CBLN4: variants seen among roughly 807,000 people sequenced by gnomAD.
CBLN4 encodes cerebellin-4.
In CBLN4, 7 loss-of-function variants were observed where a neutral mutation model predicts 14.9. The observed-to-expected ratio is 0.47, with a 90% CI of 0.27 to 0.88. The LOEUF is 0.88. CBLN4 is among the 40% of genes least tolerant of loss of function. The pLI is 0.14. For missense variants in CBLN4, 188 were observed against 256.8 expected (o/e 0.73, Z 1.83); for synonymous variants, 131 against 116.5 (o/e 1.12, Z -0.80).
At chr20:56,002,324 G>T (rs1835931882) in intron 1 of CBLN4, among the ~76,000 whole-genome samples, 1 of 152,204 alleles carries the variant, frequency 6.6e-6, no homozygotes, top group South Asian at 2.1e-4. Context: ...AAAATAATTT[G>T]AGGTGCTTAG....
Position 56,000,623 on chromosome 20 carries a change from T to A in CBLN4, c.408+108A>T, listed in dbSNP as rs932202922. 7 of 494,998 alleles carry A rather than the reference T, an allele frequency of 1.4e-5. No individual in the cohort carries two copies. The South Asian group carries it at 3.8e-4, about 27-fold the overall frequency. 30.7% of individuals were successfully genotyped at this position (494,998 alleles called of 1,614,324 possible). ...TAAAATAAATGATAAAGATGGCTGCTTATTTCTATTGTGGAAACACAACTT... is the reference window on the plus strand; with the variant it reads ...TAAAATAAATGATAAAGATGGCTGCATATTTCTATTGTGGAAACACAACTT... On this transcript the variant is annotated intron_variant, in intron 2 of 2. Transcript: ENST00000064571.
chr20:56,004,113 A>T lies in CBLN4; in HGVS notation c.59T>A (p.Leu20Gln). 1 of 1,603,874 alleles carries T rather than the reference A, an allele frequency of 6.2e-7. No homozygotes were observed. Among genetic ancestry groups the T allele is most frequent in the Non-Finnish European group, 8.5e-7 (1 of 1,176,686 alleles). Residue 20 changes from leucine (L) to glutamine (Q), a missense_variant, in exon 1 of 3, where the codon CTG becomes CAG. Leu to Gln is a moderately radical substitution (Grantham distance 113). Coordinates refer to ENST00000064571, the MANE Select transcript of CBLN4 (RefSeq NM_080617.6). This position sits in a 1 kb window ranked among gnomAD's most constrained non-coding sequence, Gnocchi z 6.1. ...CTGTGCCCAGACGGGCAGCCCCGGCAGCGTGAGGACCAGCAGCACGGCCGG... is the reference window on the plus strand; with the variant it reads ...CTGTGCCCAGACGGGCAGCCCCGGCTGCGTGAGGACCAGCAGCACGGCCGG... ...AVPAVLLVLT[L>Q]PGLPVWAQND...
In CBLN4 at chr20:56,003,906, T is replaced by C; in HGVS notation, c.266A>G (p.Lys89Arg). 11 of 1,612,544 alleles carry C rather than the reference T, an allele frequency of 6.8e-6. No individual in the cohort carries two copies. Among genetic ancestry groups the C allele is most frequent in the Non-Finnish European group, 9.3e-6 (11 of 1,179,326 alleles). ...TNHEPSEMSN[K>R]TRIIYFDQIL... is the part of the protein sequence containing the mutation. ...CTGATCGAAGTAAATGATGCGCGTC[T>C]TGTTGCTCATCTCGGATGGCTCGTG... The change falls in exon 1 of 3, where the codon AAG becomes AGG. Residue 89 changes from lysine to arginine, a missense_variant. By Grantham distance (26) the Lys-to-Arg change is conservative. This residue lies in a region of CBLN4 where 93 missense variants were observed against 157.7 expected (regional missense o/e 0.59). Coordinates refer to ENST00000064571, the MANE Select transcript of CBLN4 (RefSeq NM_080617.6).
At chr20:56,000,616 T>C in intron 2 of CBLN4, 115 bp downstream of exon 2, 1 of 483,750 alleles carries the variant, frequency 2.1e-6, no homozygotes, top group South Asian at 6.5e-5. Flanking sequence ...ATGATAAAGA[T>C]GGCTGCTTAT....
At chr20:55,999,191 T>A (rs935208313) in intron 2 of CBLN4, among the ~76,000 whole-genome samples, 4 of 152,170 alleles carry the variant, frequency 2.6e-5, no homozygotes, top group African/African-American at 9.7e-5. Flanking sequence ...CCTACCAACA[T>A]CCTTGCGAAT....
Position 56,004,313 on chromosome 20 carries a change from C to G in CBLN4, c.-142G>C. ...AGCGACGGCGGCGGCGGCGCGCACACTTCCACCAATTCTGTGGCTTGAAGT... is the reference window on the plus strand; with the variant it reads ...AGCGACGGCGGCGGCGGCGCGCACAGTTCCACCAATTCTGTGGCTTGAAGT... On this transcript the variant is annotated 5_prime_UTR_variant, in exon 1 of 3. Coordinates refer to ENST00000064571, the MANE Select transcript of CBLN4 (RefSeq NM_080617.6). This position sits in a 1 kb window ranked among gnomAD's most constrained non-coding sequence, Gnocchi z 6.1. 1.4e-6 allele frequency: 1 copy of G among 740,258 alleles called. No individual in the cohort carries two copies. The highest frequency in any genetic ancestry group is 2.0e-6 in the Non-Finnish European group (1 of 500,612). The allele number at this position is 740,258 out of a possible 1,614,324, so 45.9% of individuals were successfully genotyped here. A position where few individuals can be genotyped will look rare whatever the true frequency, so the allele number is the denominator to read the frequency against.
At position 55,998,390 on chromosome 20, in the gene CBLN4, A is replaced by C. The variant is rs1051602800; in HGVS notation, c.*167T>G. 7 of 693,870 alleles carry C rather than the reference A, an allele frequency of 1.0e-5. No homozygotes were observed. The African/African-American group carries it at 1.3e-4, about 13-fold the overall frequency. The allele number at this position is 693,870 out of a possible 1,614,324, so 43.0% of individuals were successfully genotyped here. A position where few individuals can be genotyped will look rare whatever the true frequency, so the allele number is the denominator to read the frequency against. Reference sequence around the variant, plus strand: ...TATACTGAAACAGACACACACAAATAATCTGTGAAATTTTGTATTGGTTCA... The same window carrying C: ...TATACTGAAACAGACACACACAAATCATCTGTGAAATTTTGTATTGGTTCA... On this transcript the variant is annotated 3_prime_UTR_variant, in exon 3 of 3. Transcript: ENST00000064571.
intron 2 of CBLN4, among the ~76,000 whole-genome samples, chr20:55,999,461 A>G (rs978835789): frequency 7.2e-5 from 11 of 152,116 alleles, no homozygotes; most frequent in Non-Finnish European, 1.6e-4. Context: ...TAAAACAAAC[A>G]AAACAACAAA....
chr20:56,003,822 G>C (rs1032978662), intron 1 of CBLN4, 59 bp downstream of exon 1: 2 of 1,528,116 alleles, frequency 1.3e-6, no homozygotes, highest in Non-Finnish European at 1.8e-6. Context: ...AGGCAGCCTC[G>C]TGCTGAGGTG....
At chr20:56,003,199 A>G (rs1986403608) in intron 1 of CBLN4, among the ~76,000 whole-genome samples, 1 of 152,148 alleles carries the variant, frequency 6.6e-6, no homozygotes, top group African/African-American at 2.4e-5. Flanking sequence ...ACAGGAGCTC[A>G]GCGCAGTTGC....
At position 55,998,528 on chromosome 20, in the gene CBLN4, C is replaced by T. The variant is rs1986317472; in HGVS notation, c.*29G>A. 2.5e-6 allele frequency: 4 copies of T among 1,612,338 alleles called. No homozygotes were observed. The highest frequency in any genetic ancestry group is 2.5e-6 in the Non-Finnish European group (3 of 1,178,430). On this transcript the variant is annotated 3_prime_UTR_variant, in exon 3 of 3. Coordinates refer to ENST00000064571, the MANE Select transcript of CBLN4 (RefSeq NM_080617.6). Reference sequence around the variant, plus strand: ...AACTCAGGAGTGGGTCATCCCTCACCTGGATGAACATCATGGAGAAATTGA... The same window carrying T: ...AACTCAGGAGTGGGTCATCCCTCACTTGGATGAACATCATGGAGAAATTGA...
intron 1 of CBLN4, among the ~76,000 whole-genome samples, chr20:56,003,610 G>C (rs1204965965): frequency 6.6e-6 from 1 of 152,170 alleles, no homozygotes; most frequent in African/African-American, 2.4e-5. Context: ...CTTGCCCTGA[G>C]CTCTCGCTGC....
chr20:56,003,989 C>A lies in CBLN4; in HGVS notation c.183G>T (p.Gly61=), dbSNP rs1986420069. ...DSKGSSSSPL[G]ISVRAANSKV... is the part of the protein sequence containing the mutation. ...TGGAGTTGGCCGCCCGGACCGATAT[C>A]CCCAGCGGGGAGGAAGAGGAGCCCT... is the stretch of plus-strand genomic sequence containing the variant. Residue 61 remains glycine (G), a synonymous_variant, in exon 1 of 3, where the codon GGG becomes GGT. Transcript: ENST00000064571. The A allele has an allele frequency of 6.2e-7, 1 of 1,614,082 alleles. No individual in the cohort carries two copies. Among genetic ancestry groups the A allele is most frequent in the Non-Finnish European group, 8.5e-7 (1 of 1,180,008 alleles).
chr20:56,003,842 C>T, intron 1 of CBLN4, 39 bp downstream of exon 1: 5 of 1,553,790 alleles, frequency 3.2e-6, no homozygotes, highest in Non-Finnish European at 4.4e-6. Flanking sequence ...GCCTGGAGAC[C>T]GCCCACCCCC....
Position 56,000,875 on chromosome 20 carries a change from A to G in CBLN4, c.292-28T>C, listed in dbSNP as rs202036487. ...ACAAATAAAAATAATAAATAACAAT[A>G]AGTTATTATATTTTCTTCTGTAACT... On this transcript the variant is annotated intron_variant, in intron 1 of 2. Transcript: ENST00000064571. The G allele has an allele frequency of 2.9e-3, 3,450 of 1,172,628 alleles. 12 individuals carry two copies. The highest frequency in any genetic ancestry group is 3.6e-3 in the Non-Finnish European group (3,001 of 845,096). The allele number at this position is 1,172,628 out of a possible 1,614,324, so 72.6% of individuals were successfully genotyped here. A position where few individuals can be genotyped will look rare whatever the true frequency, so the allele number is the denominator to read the frequency against.
At chr20:56,002,665 T>C (rs910295566) in intron 1 of CBLN4, among the ~76,000 whole-genome samples, 2 of 152,212 alleles carry the variant, frequency 1.3e-5, no homozygotes, top group Non-Finnish European at 2.9e-5. Context: ...TTTATTTCCA[T>C]CAAGATGGAA....
chr20:56,000,663 A>AAT, intron 2 of CBLN4, 68 bp downstream of exon 2: 1 of 647,494 alleles, frequency 1.5e-6, no homozygotes, highest in Non-Finnish European at 2.5e-6. Context: ...TAAGTACTTA[A>AAT]ATATATAACC....
In CBLN4 at chr20:56,001,938, G is replaced by A. The variant is rs184605219; in HGVS notation, c.292-1091C>T. Among the ~76,000 whole-genome samples the A allele has an allele frequency of 3.9e-5, 6 of 152,248 alleles. No homozygotes were observed. In the East Asian group the frequency reaches 1.2e-3, roughly 29 times the overall value. On this transcript the variant is annotated intron_variant, in intron 1 of 2. Transcript: ENST00000064571. Reference sequence around the variant, plus strand: ...TTCTTTCCAAGAAATACACCTGTAAGTGGCATTCAAAAATAATAAGAGGTC... The same window carrying A: ...TTCTTTCCAAGAAATACACCTGTAAATGGCATTCAAAAATAATAAGAGGTC...
rs911455885 is a variant in CBLN4, at chr20:56,003,764, T to G, written c.291+117A>C. On this transcript the variant is annotated intron_variant, in intron 1 of 2. Coordinates refer to ENST00000064571, the MANE Select transcript of CBLN4 (RefSeq NM_080617.6). ...ACCCAGGCATATTTGGGAAGGCGAGTGCTTTACATGATTCCCCATTTCCCA... is the reference window on the plus strand; with the variant it reads ...ACCCAGGCATATTTGGGAAGGCGAGGGCTTTACATGATTCCCCATTTCCCA... 12 of 1,043,908 alleles carry G rather than the reference T, an allele frequency of 1.1e-5. No individual in the cohort carries two copies. In the East Asian group the frequency reaches 3.1e-4, roughly 27 times the overall value. 64.7% of individuals were successfully genotyped at this position (1,043,908 alleles called of 1,614,324 possible). A position where few individuals can be genotyped will look rare whatever the true frequency, so the allele number is the denominator to read the frequency against.
Sources: allele counts gnomAD v4.1 joint callset (sites outside exome capture counted in the v4.1 genomes callset), GRCh38; gene constraint gnomAD v4.1.1; regional missense constraint gnomAD v4.1.1; non-coding constraint Gnocchi (gnomAD v3.1); transcripts MANE v1.5; gene names NCBI Gene and HGNC (gene_info 2026-07-23, HGNC 2026-07-21).